Variants in POLR1A observed in about 807,000 individuals in gnomAD.
POLR1A encodes RNA polymerase I subunit A.
A neutral mutation model predicts 205.3 loss-of-function variants in POLR1A; 84 were observed. The observed-to-expected ratio is 0.41, with a 90% CI of 0.34 to 0.49. The LOEUF (loss-of-function observed/expected upper bound fraction) is 0.49. Ranked by LOEUF, POLR1A falls within the 20% of genes least tolerant of loss-of-function variation. The pLI, the probability that POLR1A is intolerant of heterozygous loss-of-function variation, is 0.22. For synonymous variants in POLR1A, 799 were observed against 863.7 expected, an observed-to-expected ratio of 0.93 and a Z score of 1.31; for missense variants, 1,645 against 2,204.5, an observed-to-expected ratio of 0.75 and a Z score of 5.08.
At chr2:86,101,289 A>G (rs1673816874) in intron 1 of POLR1A, among the ~76,000 whole-genome samples, 1 of 152,154 alleles carries the variant, frequency 6.6e-6, no homozygotes, top group African/African-American at 2.4e-5. Flanking sequence ...TGATGTAAAC[A>G]CTCCCTTTAA....
Position 86,065,485 on chromosome 2 carries a change from A to G in POLR1A, c.1867-20T>C, listed in dbSNP as rs570559747. Reference sequence around the variant, plus strand: ...GCCATCCTATAAGCCAAAACAGACAACACAAGAAGAATGAAAATAAATCTT... The same window carrying G: ...GCCATCCTATAAGCCAAAACAGACAGCACAAGAAGAATGAAAATAAATCTT... On this transcript the variant is annotated intron_variant, in intron 13 of 33. Coordinates refer to ENST00000263857, the MANE Select transcript of POLR1A (RefSeq NM_015425.6). 1.9e-6 allele frequency: 3 copies of G among 1,595,854 alleles called. No homozygotes were observed. Among genetic ancestry groups the G allele is most frequent in the Middle Eastern group, 1.7e-4 (1 of 5,950 alleles).
At chr2:86,041,194 C>T (rs1291843024) in intron 24 of POLR1A, among the ~76,000 whole-genome samples, 5 of 110,044 alleles carry the variant, frequency 4.5e-5, no homozygotes, top group South Asian at 6.3e-4. Flanking sequence ...TGTGTGTGCG[C>T]GCTGAGCTAC....
chr2:86,040,994 G>A (rs957669707), intron 24 of POLR1A, among the ~76,000 whole-genome samples: 4 of 152,224 alleles, frequency 2.6e-5, no homozygotes, highest in African/African-American at 9.6e-5. Flanking sequence ...CCATTATGGG[G>A]ATGGGGGTGA....
In POLR1A at chr2:86,078,291, G is replaced by T; in HGVS notation, c.1087-7C>A. On this transcript the variant is annotated splice_region_variant and splice_polypyrimidine_tract_variant and intron_variant, in intron 9 of 33. Coordinates refer to ENST00000263857, the MANE Select transcript of POLR1A (RefSeq NM_015425.6). Reference sequence around the variant, plus strand: ...CAATCAAAGAGTCTTTTTCCTGGAAGATGAAACCAAGAAAACAGGGATGAT... The same window carrying T: ...CAATCAAAGAGTCTTTTTCCTGGAATATGAAACCAAGAAAACAGGGATGAT... The T allele has an allele frequency of 6.4e-7, 1 of 1,559,886 alleles. No homozygotes were observed. Among genetic ancestry groups the T allele is most frequent in the Non-Finnish European group, 8.6e-7 (1 of 1,158,174 alleles).
At chr2:86,045,492 T>C in intron 20 of POLR1A, 125 bp downstream of exon 20, 1 of 1,295,780 alleles carries the variant, frequency 7.7e-7, no homozygotes, top group East Asian at 2.3e-5. Flanking sequence ...CCTAGGACTT[T>C]TTGACCTCGA....
intron 27 of POLR1A, among the ~76,000 whole-genome samples, chr2:86,034,964 G>A (rs543668751): frequency 2.6e-5 from 4 of 151,944 alleles, no homozygotes; most frequent in South Asian, 4.2e-4. Context: ...TCCGCCTCCC[G>A]GATTCAAACG....
chr2:86,068,402 G>GGGGGGGGGGT (rs1319707259), intron 13 of POLR1A, among the ~76,000 whole-genome samples: 2 of 99,256 alleles, frequency 2.0e-5, no homozygotes, highest in African/African-American at 3.8e-5. Context: ...GGGGGGGCGG[G>GGGGGGGGGGT]TGTCGTCCAA....
At chr2:86,029,944 G>A (rs1171570425) in intron 31 of POLR1A, among the ~76,000 whole-genome samples, 2 of 152,116 alleles carry the variant, frequency 1.3e-5, no homozygotes, top group Non-Finnish European at 2.9e-5. Flanking sequence ...AAATTAACCC[G>A]GGCGACTCTG....
chr2:86,060,169 T>C (rs149321304), intron 14 of POLR1A, among the ~76,000 whole-genome samples: 3 of 152,356 alleles, frequency 2.0e-5, no homozygotes, highest in East Asian at 3.9e-4. Context: ...TTTTACATAA[T>C]TGAAGGACAT....
At chr2:86,045,474 C>T in intron 20 of POLR1A, 114 bp from the exon 21 acceptor site, 1 of 1,252,592 alleles carries the variant, frequency 8.0e-7, no homozygotes, top group Non-Finnish European at 1.2e-6. Flanking sequence ...CACTCCCTTC[C>T]CTGATCTCCT....
chr2:86,029,397 G>T (rs1452043555), intron 31 of POLR1A, among the ~76,000 whole-genome samples: 1 of 152,140 alleles, frequency 6.6e-6, no homozygotes, highest in Non-Finnish European at 1.5e-5. Flanking sequence ...GGGAAACCCA[G>T]AAAGTTCTGG....
chr2:86,033,030 A>G (rs2104381946), intron 28 of POLR1A, among the ~76,000 whole-genome samples: 1 of 152,346 alleles, frequency 6.6e-6, no homozygotes, highest in Non-Finnish European at 1.5e-5. Flanking sequence ...GGTTGGGGGT[A>G]GTCCCAGTCC....
chr2:86,040,576 G>A lies in POLR1A; in HGVS notation c.3573-17C>T, dbSNP rs1573805679. The stretch of plus-strand genomic sequence containing the variant: ...GTCCTCAACCTAGAGACGGTGGTGG[G>A]GGGTCAGGGTGGGGGTTGTGGCAGG... On this transcript the variant is annotated splice_polypyrimidine_tract_variant and intron_variant, in intron 24 of 33. Coordinates refer to ENST00000263857, the MANE Select transcript of POLR1A (RefSeq NM_015425.6). 1 of 1,530,790 alleles carries A rather than the reference G, an allele frequency of 6.5e-7. No individual in the cohort carries two copies. The allele number at this position is 1,530,790 out of a possible 1,614,324, so 94.8% of individuals were successfully genotyped here. A position where few individuals can be genotyped will look rare whatever the true frequency, so the allele number is the denominator to read the frequency against.
rs376626639 is a variant in POLR1A, at chr2:86,042,937, C to A, written c.3357+37G>T. ...CCCTCACCCACTGACTAAGCCTGGA[C>A]GTGCTGGACATTAAGGACACCACCT... On this transcript the variant is annotated intron_variant, in intron 23 of 33. Transcript: ENST00000263857. The A allele has an allele frequency of 5.5e-6, 8 of 1,462,228 alleles. No homozygotes were observed. The African/African-American group carries it at 1.1e-4, about 20-fold the overall frequency. 90.6% of individuals were successfully genotyped at this position (1,462,228 alleles called of 1,614,324 possible).
chr2:86,069,941 G>A, intron 13 of POLR1A, 77 bp downstream of exon 13: 1 of 1,501,778 alleles, frequency 6.7e-7, no homozygotes. Context: ...AATGACCCCA[G>A]GGGCTGGCAG....
chr2:86,055,241 G>A (rs1672875850), intron 14 of POLR1A, among the ~76,000 whole-genome samples: 1 of 151,666 alleles, frequency 6.6e-6, no homozygotes, highest in African/African-American at 2.4e-5. Context: ...ATTGCAGTTA[G>A]CCAAGATCAC....
At chr2:86,075,924 C>T (rs1308904234) in intron 11 of POLR1A, among the ~76,000 whole-genome samples, 1 of 152,232 alleles carries the variant, frequency 6.6e-6, no homozygotes, top group African/African-American at 2.4e-5. Flanking sequence ...CTCAAATACC[C>T]TGACATCCCT....
chr2:86,067,672 G>A (rs146238810), intron 13 of POLR1A, among the ~76,000 whole-genome samples: 43 of 152,170 alleles, frequency 2.8e-4, no homozygotes, highest in African/African-American at 9.2e-4. Context: ...GGAAACTAAG[G>A]GAAATAAAGA....
intron 12 of POLR1A, among the ~76,000 whole-genome samples, chr2:86,073,966 C>T (rs1281740996): frequency 6.6e-6 from 1 of 152,246 alleles, no homozygotes; most frequent in Non-Finnish European, 1.5e-5. Flanking sequence ...ATTCTACGAA[C>T]CTGAATACAA....
Sources: allele counts gnomAD v4.1 joint callset (sites outside exome capture counted in the v4.1 genomes callset), GRCh38; gene constraint gnomAD v4.1.1; transcripts MANE v1.5; gene names NCBI Gene and HGNC (gene_info 2026-07-23, HGNC 2026-07-21).